The following SI variants were observed in gnomAD, a reference collection of about 807,000 sequenced individuals.
SI encodes the protein sucrase-isomaltase.
SI carries 235 observed loss-of-function variants against 253.3 expected under a neutral mutation model. The ratio of observed to expected loss-of-function variants is 0.93; its 90% CI spans 0.83 to 1.03. The LOEUF is 1.03. SI is among the 50% of genes least tolerant of loss of function. The pLI, the probability that SI is intolerant of heterozygous loss-of-function variation, is 0.00. For synonymous variants in SI, 819 were observed against 712.0 expected, an observed-to-expected ratio of 1.15 and a Z score of -2.39; for missense variants, 2,442 against 2,211.1, an observed-to-expected ratio of 1.10 and a Z score of -2.09.
At chr3:165,040,354 T>C (rs1712755601) in intron 18 of SI, among the ~76,000 whole-genome samples, 1 of 151,820 alleles carries the variant, frequency 6.6e-6, no homozygotes, top group Non-Finnish European at 1.5e-5. Context: ...CTCAGAAAAA[T>C]CTATCACAGA....
At chr3:165,040,143 ACACT>A (rs540922142) in intron 18 of SI, among the ~76,000 whole-genome samples, 172 bp from the exon 19 acceptor site, 235 of 151,772 alleles carry the variant, frequency 1.5e-3, no homozygotes, top group African/African-American at 5.2e-3. Flanking sequence ...TGTTCATCTG[ACACT>A]CAGGAAGGAA....
intron 40 of SI, among the ~76,000 whole-genome samples, chr3:164,995,302 ACTGTTAAGCTGTATGTAATC>A (rs1447457396): frequency 1.3e-5 from 2 of 151,858 alleles, no homozygotes; most frequent in East Asian, 3.9e-4. Flanking sequence ...TGGTCCAAGA[ACTGTTAAGCTGTATGTAATC>A]CTATTGCTGG....
intron 9 of SI, 30 bp from the exon 10 acceptor site, chr3:165,060,057 G>C: frequency 6.3e-7 from 1 of 1,593,088 alleles, no homozygotes; most frequent in Non-Finnish European, 8.6e-7. Context: ...TAATTAGTTT[G>C]AATAGAAATA....
In SI at chr3:165,037,935, G is replaced by T; in HGVS notation, c.2391C>A (p.Ile797=). The T allele has an allele frequency of 6.2e-7, 1 of 1,610,514 alleles. No homozygotes were observed. The highest frequency in any genetic ancestry group is 1.1e-5 in the South Asian group (1 of 90,876). ...IGLHLRGGYI[I]PIQEPDVTTT... is the part of the protein sequence containing the mutation. ...TTGTTACATCTGGTTCTTGAATGGG[G>T]ATGATATAACCTCCTCTAAGATGTA... Residue 797 remains isoleucine (I), a synonymous_variant, in exon 21 of 48, where the codon ATC becomes ATA. Transcript: ENST00000264382.
chr3:165,072,844 T>TTAG (rs147403827), intron 3 of SI, among the ~76,000 whole-genome samples: 1 of 151,620 alleles, frequency 6.6e-6, no homozygotes, highest in African/African-American at 2.4e-5. Context: ...TTAAAATCAT[T>TTAG]TTAAGTTGCA....
intron 6 of SI, among the ~76,000 whole-genome samples, chr3:165,066,011 G>T (rs1714228932): frequency 6.6e-6 from 1 of 151,742 alleles, no homozygotes; most frequent in Non-Finnish European, 1.5e-5. Context: ...CTCCATATCT[G>T]TGAGTTCTGA....
At chr3:165,032,974 A>G (rs1056578248) in intron 23 of SI, among the ~76,000 whole-genome samples, 5 of 151,542 alleles carry the variant, frequency 3.3e-5, no homozygotes, top group African/African-American at 1.2e-4. Flanking sequence ...TAGCTTTGCT[A>G]AAGAAGAATG....
intron 34 of SI, among the ~76,000 whole-genome samples, chr3:165,010,689 G>C (rs1718728435): frequency 6.6e-6 from 1 of 151,964 alleles, no homozygotes; most frequent in Admixed American, 6.6e-5. Context: ...TATTCTATTA[G>C]CTGGCTGCTT....
At chr3:164,998,913 A>T (rs954855839) in intron 37 of SI, among the ~76,000 whole-genome samples, 1 of 151,866 alleles carries the variant, frequency 6.6e-6, no homozygotes, top group African/African-American at 2.4e-5. Flanking sequence ...AGAGGCCTTT[A>T]TATATTCCTT....
intron 44 of SI, among the ~76,000 whole-genome samples, chr3:164,990,523 G>A (rs564012083): frequency 1.3e-5 from 2 of 152,246 alleles, no homozygotes; most frequent in Non-Finnish European, 2.9e-5. Context: ...CATAGGCAGA[G>A]GCATTGACAG....
intron 27 of SI, 58 bp from the exon 28 acceptor site, chr3:165,019,828 AAAT>A: frequency 7.2e-7 from 1 of 1,385,788 alleles, no homozygotes; most frequent in Admixed American, 1.7e-5. Context: ...GTAGTATCAC[AAAT>A]AATAACGGTA....
intron 23 of SI, 117 bp from the exon 24 acceptor site, chr3:165,032,809 T>A: frequency 1.6e-6 from 1 of 625,584 alleles, no homozygotes; most frequent in Middle Eastern, 3.8e-4. Context: ...TCCCACCAGC[T>A]CTCCTCATCC....
chr3:165,018,111 C>G (rs1224070313), intron 28 of SI, 45 bp from the exon 29 acceptor site: 2 of 1,071,432 alleles, frequency 1.9e-6, no homozygotes, highest in Non-Finnish European at 2.9e-6. Context: ...GTAACAATAG[C>G]ATGTGAATTT....
chr3:165,024,735 AT>A (rs1180942038), intron 25 of SI, among the ~76,000 whole-genome samples: 5 of 150,870 alleles, frequency 3.3e-5, no homozygotes, highest in South Asian at 2.1e-4. Flanking sequence ...TATTTTTCTC[AT>A]TTTTTTAGAG....
At chr3:165,066,882 A>G in intron 6 of SI, among the ~76,000 whole-genome samples, 1 of 151,992 alleles carries the variant, frequency 6.6e-6, no homozygotes, top group Admixed American at 6.6e-5. Context: ...AATCTCTTGC[A>G]CCTACACCCC....
Position 164,982,277 on chromosome 3 carries a change from T to A in SI, c.5381A>T (p.Asn1794Ile), listed in dbSNP as rs1360794090. Residue 1794 changes from asparagine to isoleucine, a missense_variant, in exon 47 of 48, where the codon AAT becomes ATT. Physicochemically the swap from Asn to Ile is moderately radical, Grantham distance 149. Transcript: ENST00000264382. ...AVTLTYNGNK[N>I]SLPFNEDTTN... ...AGTGTCTTCATTAAAAGGAAGCGAA[T>A]TTTTATTTCCGTTATACGTTAGAGT... 6.2e-7 allele frequency: 1 copy of A among 1,612,896 alleles called. No homozygotes were observed. The highest frequency in any genetic ancestry group is 1.3e-5 in the African/African-American group (1 of 74,856).
At position 165,055,233 on chromosome 3, in the gene SI, A is replaced by T; in HGVS notation, c.1473T>A (p.Ser491Arg). The change falls in exon 13 of 48, where the codon AGT (serine) becomes AGA (arginine). Residue 491 changes from serine to arginine, a missense_variant. Physicochemically the swap from Ser to Arg is moderately radical, Grantham distance 110 (BLOSUM62 -1). Transcript: ENST00000264382. ...NCIDWWANEC[S>R]IFHQEVQYDG... ...CATATTGCACTTCTTGATGGAAAAT[A>T]CTGCATTCATTTGCCCACCAATCAA... 6.2e-7 allele frequency: 1 copy of T among 1,611,724 alleles called. No individual in the cohort carries two copies. Among genetic ancestry groups the T allele is most frequent in the Non-Finnish European group, 8.5e-7 (1 of 1,178,340 alleles).
chr3:164,991,826 T>C (rs1717748517), intron 43 of SI, among the ~76,000 whole-genome samples: 1 of 152,072 alleles, frequency 6.6e-6, no homozygotes, highest in African/African-American at 2.4e-5. Context: ...TTTTGAAAAG[T>C]CACAAAAGCT....
chr3:165,046,755 A>T lies in SI; in HGVS notation c.1887+86T>A, dbSNP rs75922660. 2.0e-4 allele frequency: 223 copies of T among 1,142,016 alleles called. No individual in the cohort carries two copies. The African/African-American group carries it at 3.3e-3, about 17-fold the overall frequency. 70.7% of individuals were successfully genotyped at this position (1,142,016 alleles called of 1,614,324 possible). A position where few individuals can be genotyped will look rare whatever the true frequency, so the allele number is the denominator to read the frequency against. On this transcript the variant is annotated intron_variant, in intron 16 of 47. Transcript: ENST00000264382. ...AATTATTTCTGTAACATGCCTTTTG[A>T]TCATTTTACTAAAATTAATTAAGAT... is the stretch of plus-strand genomic sequence containing the variant.
Sources: gnomAD v4.1 joint callset for allele counts (sites outside exome capture counted in the v4.1 genomes callset) on GRCh38, gnomAD v4.1.1 for gene constraint, MANE v1.5 for transcripts, NCBI Gene and HGNC (gene_info 2026-07-23, HGNC 2026-07-21) for gene names.